The following ZNF704 variants were observed in gnomAD, a reference collection of about 807,000 sequenced individuals.
The protein encoded by ZNF704 is glucocorticoid induced gene 1.
Under a neutral mutation model 44.7 loss-of-function variants are expected in ZNF704, and 10 were observed. That is an observed-to-expected ratio of 0.22 (90% CI 0.14 to 0.38). The LOEUF (loss-of-function observed/expected upper bound fraction) is 0.38, where lower values mean the gene tolerates loss of function less well. Ranked by LOEUF, ZNF704 falls within the 10% of genes least tolerant of loss-of-function variation. The probability of loss-of-function intolerance (pLI) is 1.00; values close to 1 mark genes in which losing one functional copy is unlikely to be tolerated. For missense variants in ZNF704, 390 were observed against 545.5 expected (o/e 0.71, Z 2.84); for synonymous variants, 211 against 207.6 (o/e 1.02, Z -0.14).
intron 3 of ZNF704, among the ~76,000 whole-genome samples, chr8:80,692,566 A>T (rs1818656873): frequency 6.6e-6 from 1 of 152,236 alleles, no homozygotes; most frequent in South Asian, 2.1e-4. Context: ...TGAATGACCT[A>T]AATAATTCTA....
chr8:80,759,604 G>A (rs62515121), intron 2 of ZNF704, among the ~76,000 whole-genome samples: 100 of 152,250 alleles, frequency 6.6e-4, no homozygotes, highest in Non-Finnish European at 1.3e-3. Flanking sequence ...AGAGACTGAG[G>A]AGAGGTCTAA....
chr8:80,661,399 C>G (rs921875441), intron 6 of ZNF704, among the ~76,000 whole-genome samples: 8 of 152,096 alleles, frequency 5.3e-5, no homozygotes, highest in Admixed American at 4.6e-4. Context: ...TTCTCAAAAT[C>G]TAAAAACAGA....
chr8:80,752,391 C>G (rs1321022043), intron 2 of ZNF704, among the ~76,000 whole-genome samples: 1 of 152,034 alleles, frequency 6.6e-6, no homozygotes, highest in Non-Finnish European at 1.5e-5. Flanking sequence ...CAAACCAGCT[C>G]TCTCCATCCC....
chr8:80,828,145 C>T (rs1203137793), intron 1 of ZNF704, among the ~76,000 whole-genome samples: 5 of 152,126 alleles, frequency 3.3e-5, no homozygotes. Flanking sequence ...GAACAGGCAA[C>T]CTACAGAATG....
chr8:80,664,971 T>G lies in ZNF704; in HGVS notation c.771A>C (p.Ser257=). 1 of 1,614,164 alleles carries G rather than the reference T, an allele frequency of 6.2e-7. No individual in the cohort carries two copies. Among genetic ancestry groups the G allele is most frequent in the South Asian group, 1.1e-5 (1 of 91,072 alleles). ...GAGGTGAAGCCAGGGACTGGGAAGGTGAGACCGGGGCCAGGCTGCTCAGCC... is the reference window on the plus strand; with the variant it reads ...GAGGTGAAGCCAGGGACTGGGAAGGGGAGACCGGGGCCAGGCTGCTCAGCC... ...ADGLSSLAPV[S]PSQSLASPPT... is the part of the protein sequence containing the mutation. The change falls in exon 6 of 9, where the codon TCA becomes TCC. Residue 257 remains serine (S), a synonymous_variant. Transcript: ENST00000327835.
chr8:80,878,202 C>G (rs1445861771), upstream of ZNF704, among the ~76,000 whole-genome samples: 1 of 148,688 alleles, frequency 6.7e-6, no homozygotes, highest in East Asian at 2.0e-4. Flanking sequence ...GTTCTGAGCC[C>G]TAAAGATAAC....
At chr8:80,796,608 C>T (rs1484949818) in intron 2 of ZNF704, among the ~76,000 whole-genome samples, 1 of 152,176 alleles carries the variant, frequency 6.6e-6, no homozygotes, top group Non-Finnish European at 1.5e-5. Flanking sequence ...CCAGGATCAA[C>T]TCAAAAGTCC....
chr8:80,859,686 G>C (rs779896720), intron 1 of ZNF704, among the ~76,000 whole-genome samples: 1 of 152,150 alleles, frequency 6.6e-6, no homozygotes, highest in Non-Finnish European at 1.5e-5. Context: ...TCAAGGACAT[G>C]AGCAATCTCG....
intron 4 of ZNF704, among the ~76,000 whole-genome samples, chr8:80,685,726 A>AAAATGTC (rs1296723732): frequency 3.3e-5 from 5 of 152,220 alleles, no homozygotes; most frequent in African/African-American, 1.2e-4. Context: ...TTTCTGGACA[A>AAAATGTC]AAATGTCAGC....
At chr8:80,814,802 T>A (rs530810082) in intron 2 of ZNF704, among the ~76,000 whole-genome samples, 1 of 152,280 alleles carries the variant, frequency 6.6e-6, no homozygotes, top group South Asian at 2.1e-4. Context: ...ACCTGAAAAG[T>A]TTTTAACACA....
intron 2 of ZNF704, among the ~76,000 whole-genome samples, chr8:80,768,515 C>A (rs1185461385): frequency 6.6e-6 from 1 of 152,100 alleles, no homozygotes; most frequent in Non-Finnish European, 1.5e-5. Context: ...TAGGTGAAGG[C>A]CATGGGTTTG....
chr8:80,755,744 C>T (rs1332558953), intron 2 of ZNF704, among the ~76,000 whole-genome samples: 3 of 152,146 alleles, frequency 2.0e-5, no homozygotes, highest in Non-Finnish European at 2.9e-5. Flanking sequence ...AGTCCCAGGA[C>T]ACTGAATAGT....
At chr8:80,796,942 G>T (rs1807813475) in intron 2 of ZNF704, among the ~76,000 whole-genome samples, 6 of 132,892 alleles carry the variant, frequency 4.5e-5, no homozygotes. Flanking sequence ...AAAAGGAAAA[G>T]AAGGGAGGGA....
At chr8:80,744,926 G>A (rs1806820025) in intron 2 of ZNF704, among the ~76,000 whole-genome samples, 2 of 152,060 alleles carry the variant, frequency 1.3e-5, no homozygotes, top group Non-Finnish European at 2.9e-5. Context: ...ATTGCTATGA[G>A]AAAATGAAAG....
chr8:80,754,504 A>C (rs1367283305), intron 2 of ZNF704, among the ~76,000 whole-genome samples: 1 of 152,212 alleles, frequency 6.6e-6, no homozygotes, highest in Non-Finnish European at 1.5e-5. Flanking sequence ...ATGCAAATTA[A>C]CTCCACTTGA....
chr8:80,774,419 A>C (rs931003002), intron 2 of ZNF704, among the ~76,000 whole-genome samples: 1 of 152,100 alleles, frequency 6.6e-6, no homozygotes, highest in Non-Finnish European at 1.5e-5. Flanking sequence ...CTGGCAAAGG[A>C]AAGAGTGGGG....
intron 1 of ZNF704, among the ~76,000 whole-genome samples, chr8:80,822,407 G>A (rs1183391963): frequency 6.6e-6 from 1 of 152,016 alleles, no homozygotes; most frequent in African/African-American, 2.4e-5. Flanking sequence ...AGTATTCCAT[G>A]GTGTATATGT....
upstream of ZNF704, among the ~76,000 whole-genome samples, chr8:80,875,366 A>G (rs1809342879): frequency 6.6e-6 from 1 of 151,954 alleles, no homozygotes; most frequent in Non-Finnish European, 1.5e-5. Context: ...GTGCAATGTC[A>G]TGGTCTGGGC....
chr8:80,719,957 C>A (rs907248156), intron 2 of ZNF704, among the ~76,000 whole-genome samples: 1 of 152,178 alleles, frequency 6.6e-6, no homozygotes, highest in African/African-American at 2.4e-5. Flanking sequence ...ATTCTATACA[C>A]GTTGTCTCAT....
Sources: gnomAD v4.1 joint callset for allele counts (sites outside exome capture counted in the v4.1 genomes callset) on GRCh38, gnomAD v4.1.1 for gene constraint, MANE v1.5 for transcripts, NCBI Gene and HGNC (gene_info 2026-07-23, HGNC 2026-07-21) for gene names.